The following PDE3A variants were observed in gnomAD, a reference collection of about 807,000 sequenced individuals.
The protein encoded by PDE3A is cGMP-inhibited 3',5'-cyclic phosphodiesterase 3A.
Under a neutral mutation model 98.3 loss-of-function variants are expected in PDE3A, and 43 were observed. The ratio of observed to expected loss-of-function variants is 0.44; its 90% CI spans 0.34 to 0.56. The LOEUF is 0.56. PDE3A is among the 20% of genes least tolerant of loss of function. The pLI, the probability that PDE3A is intolerant of heterozygous loss-of-function variation, is 0.01. For missense variants in PDE3A, 1,427 were observed against 1,440.7 expected, an observed-to-expected ratio of 0.99 and a Z score of 0.15; for synonymous variants, 663 against 567.9, an observed-to-expected ratio of 1.17 and a Z score of -2.38.
At chr12:20,603,546 TTTTATTTATTTATTTAA>T (rs1393033119) in intron 2 of PDE3A, among the ~76,000 whole-genome samples, 1 of 151,820 alleles carries the variant, frequency 6.6e-6, no homozygotes, top group Non-Finnish European at 1.5e-5. Flanking sequence ...GTTTTTATTG[TTTTATTTATTTATTTAA>T]TTTATTTATT....
At chr12:20,643,659 C>T (rs753706964) in intron 10 of PDE3A, among the ~76,000 whole-genome samples, 5 of 151,896 alleles carry the variant, frequency 3.3e-5, no homozygotes, top group Non-Finnish European at 7.4e-5. Context: ...AACCTGTACT[C>T]GAAAGCAAAA....
At chr12:20,392,764 T>A (rs914343179) in intron 1 of PDE3A, among the ~76,000 whole-genome samples, 10 of 152,002 alleles carry the variant, frequency 6.6e-5, no homozygotes, top group African/African-American at 2.4e-4. Context: ...GCAGAACATG[T>A]GGTATATAAA....
intron 1 of PDE3A, among the ~76,000 whole-genome samples, chr12:20,459,652 G>A (rs1945214095): frequency 6.6e-6 from 1 of 152,198 alleles, no homozygotes; most frequent in East Asian, 1.9e-4. Context: ...TACATTCAAA[G>A]GTTTCATAGC....
chr12:20,462,746 A>G (rs926892606), intron 1 of PDE3A, among the ~76,000 whole-genome samples: 4 of 152,102 alleles, frequency 2.6e-5, no homozygotes, highest in Non-Finnish European at 2.9e-5. Context: ...TTCATTTGTT[A>G]AAAACGTCTT....
chr12:20,498,060 A>AAAAGG (rs1196645431), intron 1 of PDE3A, among the ~76,000 whole-genome samples: 1 of 152,226 alleles, frequency 6.6e-6, no homozygotes, highest in East Asian at 1.9e-4. Context: ...ACGGTAGGCT[A>AAAAGG]AAAGGAGTAC....
intron 2 of PDE3A, among the ~76,000 whole-genome samples, chr12:20,612,017 G>C (rs1308793222): frequency 6.6e-6 from 1 of 151,712 alleles, no homozygotes; most frequent in Non-Finnish European, 1.5e-5. Flanking sequence ...CTTTCGACCA[G>C]ATATGTATGT....
chr12:20,416,300 T>C (rs73239509), intron 1 of PDE3A, among the ~76,000 whole-genome samples: 4,600 of 152,296 alleles, frequency 0.03, 222 homozygotes, highest in African/African-American at 0.1. Context: ...GTCTAAATTA[T>C]GTGAAACAGA....
At chr12:20,383,490 G>C (rs967816465) in intron 1 of PDE3A, among the ~76,000 whole-genome samples, 1 of 151,934 alleles carries the variant, frequency 6.6e-6, no homozygotes, top group Non-Finnish European at 1.5e-5. Flanking sequence ...TCAGGATGCT[G>C]TCTCTTTTTA....
intron 2 of PDE3A, among the ~76,000 whole-genome samples, chr12:20,593,054 TATC>T (rs1209429959): frequency 1.3e-5 from 2 of 152,176 alleles, no homozygotes; most frequent in Non-Finnish European, 2.9e-5. Context: ...AATACAACAA[TATC>T]ATAATAGATG....
Position 20,464,612 on chromosome 12 carries a change from T to C in PDE3A, c.961-92048T>C, listed in dbSNP as rs1591959748. Among the ~76,000 whole-genome samples the C allele has an allele frequency of 8.5e-5, 13 of 152,334 alleles. No individual in the cohort carries two copies. In the South Asian group the frequency reaches 2.7e-3, roughly 32 times the overall value. On this transcript the variant is annotated intron_variant, in intron 1 of 15. Coordinates refer to ENST00000359062, the MANE Select transcript of PDE3A (RefSeq NM_000921.5). ...AGATGTTTTACCGTGAGCTGAATCA[T>C]GATTACTCTCAAAGCCAATCTGGTT...
intron 1 of PDE3A, among the ~76,000 whole-genome samples, chr12:20,547,245 G>T (rs943515374): frequency 6.6e-6 from 1 of 151,922 alleles, no homozygotes; most frequent in Non-Finnish European, 1.5e-5. Context: ...ACCCCCACTT[G>T]TTCTCCCTTC....
intron 15 of PDE3A, among the ~76,000 whole-genome samples, chr12:20,670,377 C>G (rs990985145): frequency 1.3e-5 from 2 of 150,536 alleles, no homozygotes; most frequent in South Asian, 2.1e-4. Context: ...CTCTCCACCC[C>G]AAATCAATAG....
At chr12:20,587,120 A>C (rs1002686955) in intron 2 of PDE3A, among the ~76,000 whole-genome samples, 7 of 152,144 alleles carry the variant, frequency 4.6e-5, no homozygotes, top group Admixed American at 1.3e-4. Flanking sequence ...CTGTAATCCC[A>C]ACACTTTAGG....
intron 2 of PDE3A, among the ~76,000 whole-genome samples, chr12:20,599,415 T>G (rs1943537898): frequency 6.6e-6 from 1 of 152,206 alleles, no homozygotes; most frequent in South Asian, 2.1e-4. Context: ...CAGCTCTTTT[T>G]TATCCCTCTT....
At chr12:20,556,882 G>C (rs1942383169) in intron 2 of PDE3A, 172 bp downstream of exon 2, 2 of 658,526 alleles carry the variant, frequency 3.0e-6, no homozygotes, top group Non-Finnish European at 2.7e-6. Context: ...AAATCCCAAA[G>C]GCAGATGCCA....
intron 5 of PDE3A, among the ~76,000 whole-genome samples, chr12:20,626,742 C>T (rs1471338986): frequency 6.6e-6 from 1 of 152,172 alleles, no homozygotes; most frequent in Non-Finnish European, 1.5e-5. Context: ...AAGTGATCTG[C>T]CCTCCTCGGC....
chr12:20,526,558 A>G (rs1946524204), intron 1 of PDE3A, among the ~76,000 whole-genome samples: 1 of 152,184 alleles, frequency 6.6e-6, no homozygotes, highest in Non-Finnish European at 1.5e-5. Flanking sequence ...GGAAGCAGAG[A>G]TCCATGTTCT....
chr12:20,539,709 G>A (rs963730820), intron 1 of PDE3A, among the ~76,000 whole-genome samples: 3 of 152,044 alleles, frequency 2.0e-5, no homozygotes, highest in African/African-American at 4.8e-5. Flanking sequence ...AGTGACACCC[G>A]AAGAATGAAA....
At chr12:20,383,707 C>T (rs1235783479) in intron 1 of PDE3A, among the ~76,000 whole-genome samples, 1 of 151,906 alleles carries the variant, frequency 6.6e-6, no homozygotes, top group African/African-American at 2.4e-5. Context: ...TCTTTCCTAA[C>T]TTGGTTACAG....
Sources: gnomAD v4.1 joint callset for allele counts (sites outside exome capture counted in the v4.1 genomes callset) on GRCh38, gnomAD v4.1.1 for gene constraint, MANE v1.5 for transcripts, NCBI Gene and HGNC (gene_info 2026-07-23, HGNC 2026-07-21) for gene names.